Variants in SLC9A7 observed in about 807,000 individuals in gnomAD.
The protein encoded by SLC9A7 is solute carrier family 9 member A7, also known as sodium/hydrogen exchanger 7.
A neutral mutation model predicts 52.6 loss-of-function variants in SLC9A7; 19 were observed. That is an observed-to-expected ratio of 0.36 (90% confidence interval 0.25 to 0.53). SLC9A7 has a LOEUF of 0.53. Ranked by LOEUF, SLC9A7 falls within the 20% of genes least tolerant of loss-of-function variation. The probability of loss-of-function intolerance (pLI) is 0.91; values close to 1 mark genes in which losing one functional copy is unlikely to be tolerated. For missense variants in SLC9A7, 455 were observed against 597.9 expected (o/e 0.76, Z 2.49); for synonymous variants, 226 against 252.1 (o/e 0.90, Z 0.98).
intron 1 of SLC9A7, chrX:46,685,473 G>A (rs1250924338): frequency 8.9e-6 from 1 of 111,917 alleles, no homozygotes; most frequent in Non-Finnish European, 1.9e-5. Flanking sequence ...AACTTTCACT[G>A]GGATAACCTT....
At chrX:46,755,231 T>C (rs1248485773) in intron 1 of SLC9A7, among the ~76,000 whole-genome samples, 3 of 111,609 alleles carry the variant, frequency 2.7e-5, no homozygotes, top group African/African-American at 9.8e-5. Context: ...GCACTTATTA[T>C]GGGGTCTATT....
intron 1 of SLC9A7, among the ~76,000 whole-genome samples, chrX:46,736,355 T>G (rs1450298212): frequency 8.9e-6 from 1 of 111,815 alleles, no homozygotes; most frequent in Admixed American, 9.5e-5. Flanking sequence ...ACTTTTTCCA[T>G]TAGAGCTTCA....
At chrX:46,755,363 G>C (rs1222286186) in intron 1 of SLC9A7, among the ~76,000 whole-genome samples, 2 of 110,495 alleles carry the variant, frequency 1.8e-5, no homozygotes, top group Non-Finnish European at 3.8e-5. Flanking sequence ...GGGAGGGAGA[G>C]AGAGAGAGAA....
At chrX:46,739,637 G>GT (rs978585224) in intron 1 of SLC9A7, among the ~76,000 whole-genome samples, 9 of 111,360 alleles carry the variant, frequency 8.1e-5, no homozygotes, top group Non-Finnish European at 1.7e-4. Context: ...GCTTTCTGCT[G>GT]TTGCTCATCT....
chrX:46,607,138 G>T lies in SLC9A7; in HGVS notation c.1995C>A (p.Thr665=), dbSNP rs766112292. The T allele has an allele frequency of 8.3e-7, 1 of 1,211,343 alleles. No homozygotes were observed. The highest frequency in any genetic ancestry group is 3.0e-5 in the East Asian group (1 of 33,844). ...TTGCAGTCACTGTGCTGTCCCCGTA[G>T]GTCAATGTCAGGTCGCCTTCGGTCA... is the stretch of plus-strand genomic sequence containing the variant. ...FILTEGDLTL[T]YGDSTVTANG... is the part of the protein sequence containing the mutation. Residue 665 remains threonine (T), a synonymous_variant, in exon 17 of 17, where the codon ACC becomes ACA. Transcript: ENST00000616978.
At chrX:46,757,556 A>G (rs193119961) in intron 1 of SLC9A7, among the ~76,000 whole-genome samples, 91 of 112,858 alleles carry the variant, frequency 8.1e-4, no homozygotes, top group Non-Finnish European at 1.5e-3. Context: ...ATTCTCTATC[A>G]GGGCACCTGG....
rs770746282 is a variant in SLC9A7 at position 46,600,144 on chromosome X, G to A, written c.*6808C>T. The A allele has an allele frequency of 8.9e-6, 1 of 112,000 alleles. No individual in the cohort carries two copies. Among genetic ancestry groups the A allele is most frequent in the Admixed American group, 9.5e-5 (1 of 10,525 alleles). The allele number at this position is 112,000 out of a possible 1,213,427, so 9.2% of individuals were successfully genotyped here. A position where few individuals can be genotyped will look rare whatever the true frequency, so the allele number is the denominator to read the frequency against. On this transcript the variant is annotated 3_prime_UTR_variant, in exon 17 of 17. Transcript: ENST00000616978. ...CCACACAACTGAAAATCATCCCTCT[G>A]CTTCTCCAAAGCCCACAATTGGAAT...
At chrX:46,657,157 T>C (rs1233341945) in intron 7 of SLC9A7, among the ~76,000 whole-genome samples, 7 of 110,257 alleles carry the variant, frequency 6.3e-5, no homozygotes, top group Non-Finnish European at 9.5e-5. Flanking sequence ...AAATACTTTA[T>C]AGACAAGCAA....
intron 15 of SLC9A7, among the ~76,000 whole-genome samples, chrX:46,619,224 T>C (rs757907917): frequency 1.3e-3 from 147 of 111,357 alleles, no homozygotes; most frequent in Non-Finnish European, 1.9e-3. Flanking sequence ...ACAAACCCAA[T>C]AGAATGGCTA....
chrX:46,710,614 T>C (rs1944673122), intron 1 of SLC9A7, among the ~76,000 whole-genome samples: 1 of 109,222 alleles, frequency 9.2e-6, no homozygotes, highest in Non-Finnish European at 1.9e-5. Context: ...AAAAAAATAC[T>C]GTGGGAAAAA....
intron 1 of SLC9A7, among the ~76,000 whole-genome samples, chrX:46,711,820 AT>A (rs2146937920): frequency 9.5e-6 from 1 of 104,980 alleles, no homozygotes; most frequent in Admixed American, 1.0e-4. Context: ...TGCCCTCACC[AT>A]CAGGCCCACG....
chrX:46,626,576 G>A (rs1943133160), intron 14 of SLC9A7, among the ~76,000 whole-genome samples: 1 of 112,683 alleles, frequency 8.9e-6, no homozygotes, highest in African/African-American at 3.2e-5. Flanking sequence ...CGCCCGGCCT[G>A]GGCCTGGTAT....
intron 13 of SLC9A7, among the ~76,000 whole-genome samples, chrX:46,633,416 C>T (rs1262561243): frequency 1.5e-5 from 1 of 68,424 alleles, no homozygotes; most frequent in Non-Finnish European, 2.6e-5. Flanking sequence ...TAATGTTTTG[C>T]ACTTTTTTTC....
chrX:46,713,859 A>G (rs1190893028), intron 1 of SLC9A7, among the ~76,000 whole-genome samples: 1 of 109,098 alleles, frequency 9.2e-6, no homozygotes, highest in African/African-American at 3.3e-5. Context: ...GTGAAAAGAT[A>G]CTAGTTATTT....
chrX:46,745,678 T>TA (rs1259305344), intron 1 of SLC9A7, among the ~76,000 whole-genome samples: 4 of 107,852 alleles, frequency 3.7e-5, no homozygotes, highest in African/African-American at 6.7e-5. Context: ...CTTGTCTCTA[T>TA]AAAAAAAAAA....
At chrX:46,682,960 A>ATT (rs1169630244) in intron 1 of SLC9A7, among the ~76,000 whole-genome samples, 59 of 64,897 alleles carry the variant, frequency 9.1e-4, no homozygotes, top group African/African-American at 2.2e-3. Context: ...CACCCGGCTA[A>ATT]TTTTTTTTTT....
At chrX:46,643,014 C>G (rs987158408) in intron 12 of SLC9A7, among the ~76,000 whole-genome samples, 2 of 111,887 alleles carry the variant, frequency 1.8e-5, no homozygotes, top group Non-Finnish European at 3.8e-5. Context: ...TATGTTTGCA[C>G]TGACAAAAAT....
chrX:46,602,364 ACACCTTCATCT>A lies in SLC9A7; in HGVS notation c.*4577_*4587del, dbSNP rs977077720. On this transcript the variant is annotated 3_prime_UTR_variant, in exon 17 of 17. Transcript: ENST00000616978. ...TTCACATGACTAACAATTTAAAAAA[ACACCTTCATCT>A]GCTGGGCCATTCTTTAAAATCAGAT... is the stretch of plus-strand genomic sequence containing the variant. The A allele has an allele frequency of 1.8e-5, 2 of 112,060 alleles. No individual in the cohort carries two copies. The highest frequency in any genetic ancestry group is 3.8e-5 in the Non-Finnish European group (2 of 53,257). The allele number at this position is 112,060 out of a possible 1,213,427, so 9.2% of individuals were successfully genotyped here. A position where few individuals can be genotyped will look rare whatever the true frequency, so the allele number is the denominator to read the frequency against.
intron 11 of SLC9A7, among the ~76,000 whole-genome samples, chrX:46,648,048 C>T (rs1602173380): frequency 8.9e-6 from 1 of 112,561 alleles, no homozygotes; most frequent in Non-Finnish European, 1.9e-5. Context: ...CCACAGCTTT[C>T]TTTATTGTCC....
Sources: allele counts gnomAD v4.1 joint callset (sites outside exome capture counted in the v4.1 genomes callset), GRCh38; gene constraint gnomAD v4.1.1; transcripts MANE v1.5; gene names NCBI Gene and HGNC (gene_info 2026-07-23, HGNC 2026-07-21).